Variants in RBM19 observed in about 807,000 individuals in gnomAD.
The protein encoded by RBM19 is probable RNA-binding protein 19.
In RBM19, 94 loss-of-function variants were observed where a neutral mutation model predicts 116.8. That is an observed-to-expected ratio of 0.80 (90% CI 0.68 to 0.95). RBM19 has a LOEUF of 0.95. Ranked by LOEUF, RBM19 falls within the 40% of genes least tolerant of loss-of-function variation. RBM19 has a pLI of 0.00. For synonymous variants in RBM19, 475 were observed against 494.1 expected, an observed-to-expected ratio of 0.96 and a Z score of 0.51; for missense variants, 1,161 against 1,220.7, an observed-to-expected ratio of 0.95 and a Z score of 0.73.
rs537466707 is a variant in RBM19, at chr12:113,924,633, C to A, written c.2305+64G>T. 9.9e-5 allele frequency: 140 copies of A among 1,410,012 alleles called. 1 individual carries two copies. In the Admixed American group the frequency reaches 2.3e-3, roughly 23 times the overall value. The allele number at this position is 1,410,012 out of a possible 1,614,324, so 87.3% of individuals were successfully genotyped here. A position where few individuals can be genotyped will look rare whatever the true frequency, so the allele number is the denominator to read the frequency against. On this transcript the variant is annotated intron_variant, in intron 18 of 23. Coordinates refer to ENST00000261741, the MANE Select transcript of RBM19 (RefSeq NM_016196.4). ...CCCAACCCCTTGTCTGAAGCTGGAG[C>A]TTCTTTTGGAATCCACTCTTTCCGG...
chr12:113,913,875 A>C (rs1307976494), intron 21 of RBM19, among the ~76,000 whole-genome samples: 1 of 152,230 alleles, frequency 6.6e-6, no homozygotes, highest in East Asian at 1.9e-4. Flanking sequence ...CGAAGCCTCA[A>C]CAATGTGTTT....
chr12:113,920,684 A>C lies in RBM19; in HGVS notation c.2312T>G (p.Leu771Arg), dbSNP rs1868456547. The C allele has an allele frequency of 6.2e-7, 1 of 1,613,588 alleles. No homozygotes were observed. The highest frequency in any genetic ancestry group is 1.3e-5 in the African/African-American group (1 of 74,888). ...CACAAATCCAAACCCCATGGAAAGG[A>C]GCACTCCTGAGAGAGAGAGGTGGAA... ...ISKKKNKAGVLLSMGFGFVEY... is the reference protein window; with the variant it reads ...ISKKKNKAGVRLSMGFGFVEY... Residue 771 changes from leucine to arginine, a missense_variant, in exon 19 of 24, where the codon CTC becomes CGC. Leu to Arg is a moderately radical substitution (Grantham distance 102, BLOSUM62 -2). Coordinates refer to ENST00000261741, the MANE Select transcript of RBM19 (RefSeq NM_016196.4).
intron 21 of RBM19, among the ~76,000 whole-genome samples, chr12:113,864,276 T>A (rs1459639007): frequency 6.6e-6 from 1 of 152,146 alleles, no homozygotes; most frequent in Non-Finnish European, 1.5e-5. Context: ...GCAGGTCAAG[T>A]ATTAACCTTG....
In RBM19 at chr12:113,863,235, GT is replaced by G. The variant is rs1394273604; in HGVS notation, c.2559-4340del. 3.5e-3 allele frequency among the ~76,000 whole-genome samples: 535 copies of G among 151,778 alleles called. 5 individuals are homozygous for G. Among genetic ancestry groups the G allele is most frequent in the African/African-American group, 0.012 (513 of 41,400 alleles). On this transcript the variant is annotated intron_variant, in intron 21 of 23. Coordinates refer to ENST00000261741, the MANE Select transcript of RBM19 (RefSeq NM_016196.4). ...TCTGTGTGTGTGTGTGTGTGTGTGTGTGGGGCCAGCGTATGGGTGGGTGGGG... is the reference window on the plus strand; with the variant it reads ...TCTGTGTGTGTGTGTGTGTGTGTGTGGGGGCCAGCGTATGGGTGGGTGGGG...
chr12:113,847,129 C>G (rs1397557788), intron 22 of RBM19, among the ~76,000 whole-genome samples: 1 of 152,124 alleles, frequency 6.6e-6, no homozygotes, highest in Non-Finnish European at 1.5e-5. Context: ...TTTCCTCATC[C>G]CTATTGGGGC....
intron 21 of RBM19, among the ~76,000 whole-genome samples, chr12:113,907,195 T>A (rs35323164): frequency 0.087 from 13,316 of 152,212 alleles, 787 homozygotes; most frequent in Middle Eastern, 0.16. Context: ...CTTATTCTCA[T>A]CCCTCCTAAC....
chr12:113,912,274 G>T lies in RBM19; in HGVS notation c.2558+2695C>A, dbSNP rs552297160. Among the ~76,000 whole-genome samples, 11 of 152,314 alleles carry T rather than the reference G, an allele frequency of 7.2e-5. No individual in the cohort carries two copies. The South Asian group carries it at 2.3e-3, about 32-fold the overall frequency. On this transcript the variant is annotated intron_variant, in intron 21 of 23. Transcript: ENST00000261741. ...TCTCACCTGCACACCTGTCCCACTG[G>T]CTGTCCCTGTCAGTTTCCTCTCTGG...
At chr12:113,878,925 C>T (rs979692353) in intron 21 of RBM19, among the ~76,000 whole-genome samples, 2 of 151,768 alleles carry the variant, frequency 1.3e-5, no homozygotes, top group Non-Finnish European at 2.9e-5. Flanking sequence ...GTGTCACACA[C>T]GCGAGTGAGT....
At chr12:113,870,208 C>T (rs533297093) in intron 21 of RBM19, among the ~76,000 whole-genome samples, 3 of 152,300 alleles carry the variant, frequency 2.0e-5, no homozygotes, top group East Asian at 1.9e-4. Context: ...CACACTGTGT[C>T]GCCGGCTCAC....
At chr12:113,844,809 A>C in intron 22 of RBM19, 21 bp from the exon 23 acceptor site, 2 of 1,598,788 alleles carry the variant, frequency 1.3e-6, no homozygotes, top group Non-Finnish European at 1.7e-6. Flanking sequence ...ACAAGAAACG[A>C]AACTGCACAT....
chr12:113,851,163 C>T (rs1877415409), intron 22 of RBM19, among the ~76,000 whole-genome samples: 1 of 152,186 alleles, frequency 6.6e-6, no homozygotes, highest in Admixed American at 6.5e-5. Flanking sequence ...TCTTGGGTGA[C>T]TCCCATCCCG....
At chr12:113,889,810 C>T (rs188377588) in intron 21 of RBM19, among the ~76,000 whole-genome samples, 12 of 151,452 alleles carry the variant, frequency 7.9e-5, no homozygotes, top group East Asian at 3.9e-4. Context: ...ACATGTGGAA[C>T]GATTTATTTT....
chr12:113,863,238 G>C (rs1429914243), intron 21 of RBM19, among the ~76,000 whole-genome samples: 1 of 133,376 alleles, frequency 7.5e-6, no homozygotes, highest in Non-Finnish European at 1.7e-5. Flanking sequence ...TGTGTGTGTG[G>C]GGCCAGCGTA....
intron 21 of RBM19, among the ~76,000 whole-genome samples, chr12:113,911,980 T>C (rs1882458023): frequency 6.6e-6 from 1 of 151,518 alleles, no homozygotes; most frequent in African/African-American, 2.4e-5. Flanking sequence ...TCTCTCTGAG[T>C]TTCCAAAAGC....
intron 23 of RBM19, among the ~76,000 whole-genome samples, chr12:113,834,012 C>G (rs1875666737): frequency 6.6e-6 from 1 of 152,172 alleles, no homozygotes; most frequent in Non-Finnish European, 1.5e-5. Flanking sequence ...TCTCAAAGCA[C>G]TGGGATTACA....
intron 22 of RBM19, among the ~76,000 whole-genome samples, chr12:113,845,549 A>T (rs1333282028): frequency 6.6e-6 from 1 of 152,098 alleles, no homozygotes; most frequent in East Asian, 1.9e-4. Flanking sequence ...AATGTCATCA[A>T]ATCAATTTTA....
At chr12:113,896,378 G>T (rs796941212) in intron 21 of RBM19, among the ~76,000 whole-genome samples, 11 of 152,314 alleles carry the variant, frequency 7.2e-5, no homozygotes, top group African/African-American at 2.6e-4. Flanking sequence ...TGGGCTCGGG[G>T]GCATGTCCGC....
Position 113,940,538 on chromosome 12 carries a change from C to T in RBM19, c.1738-378G>A, listed in dbSNP as rs907721182. 5.9e-5 allele frequency among the ~76,000 whole-genome samples: 9 copies of T among 152,324 alleles called. No homozygotes were observed. The East Asian group carries it at 9.6e-4, about 16-fold the overall frequency. On this transcript the variant is annotated intron_variant, in intron 14 of 23. Coordinates refer to ENST00000261741, the MANE Select transcript of RBM19 (RefSeq NM_016196.4). ...CTGCTACCACGTGCAGCCAGCAGGA[C>T]GTGCTGCAGAGCTAACGCCCCCTGG...
At chr12:113,847,709 T>C (rs141048936) in intron 22 of RBM19, among the ~76,000 whole-genome samples, 176 of 152,294 alleles carry the variant, frequency 1.2e-3, no homozygotes, top group African/African-American at 3.8e-3. Flanking sequence ...TAGGTCCGGG[T>C]GAGAGGCCCC....
Sources: allele counts gnomAD v4.1 joint callset (sites outside exome capture counted in the v4.1 genomes callset), GRCh38; gene constraint gnomAD v4.1.1; transcripts MANE v1.5; gene names NCBI Gene and HGNC (gene_info 2026-07-23, HGNC 2026-07-21).